Variants in MAD1L1 observed in about 807,000 individuals in gnomAD.
MAD1L1 encodes the protein mitotic spindle assembly checkpoint protein MAD1.
In MAD1L1, 95 loss-of-function variants were observed where a neutral mutation model predicts 96.9. That is an observed-to-expected ratio of 0.98 (90% CI 0.83 to 1.16). MAD1L1 has a LOEUF of 1.16. MAD1L1 is among the 50% of genes most tolerant of loss of function. The pLI is 0.00. For missense variants in MAD1L1, 1,007 were observed against 954.4 expected, an observed-to-expected ratio of 1.06 and a Z score of -0.73; for synonymous variants, 473 against 396.6, an observed-to-expected ratio of 1.19 and a Z score of -2.29.
chr7:1,914,386 C>T (rs1165534877), intron 17 of MAD1L1, among the ~76,000 whole-genome samples: 1 of 152,192 alleles, frequency 6.6e-6, no homozygotes, highest in African/African-American at 2.4e-5. Flanking sequence ...GGTCTTCACA[C>T]GTCAGAAAGG....
At chr7:2,187,743 C>G (rs1167050000) in intron 10 of MAD1L1, among the ~76,000 whole-genome samples, 2 of 152,212 alleles carry the variant, frequency 1.3e-5, no homozygotes, top group Non-Finnish European at 2.9e-5. Flanking sequence ...GATGGTTGGT[C>G]TTCCATGTTT....
chr7:1,823,986 T>TG (rs1196912618), intron 18 of MAD1L1, among the ~76,000 whole-genome samples: 1 of 152,110 alleles, frequency 6.6e-6, no homozygotes, highest in East Asian at 1.9e-4. Flanking sequence ...GAAGTTATGC[T>TG]GGGAGCCCAT....
intron 15 of MAD1L1, among the ~76,000 whole-genome samples, chr7:1,979,454 G>A (rs1217107734): frequency 6.6e-6 from 1 of 152,232 alleles, no homozygotes; most frequent in African/African-American, 2.4e-5. Context: ...ATTCTGGCAG[G>A]ATACTCGGGT....
At chr7:1,820,901 G>A (rs1418947556) in intron 18 of MAD1L1, among the ~76,000 whole-genome samples, 1 of 152,000 alleles carries the variant, frequency 6.6e-6, no homozygotes, top group African/African-American at 2.4e-5. Context: ...CTAACACAGT[G>A]AAACCCCATC....
chr7:1,966,314 G>A (rs1015599316), intron 15 of MAD1L1, among the ~76,000 whole-genome samples: 5 of 152,098 alleles, frequency 3.3e-5, no homozygotes, highest in South Asian at 2.1e-4. Flanking sequence ...CAAATTACTC[G>A]GCACATGAAG....
chr7:1,913,081 G>C (rs2128451441), intron 17 of MAD1L1, among the ~76,000 whole-genome samples: 1 of 152,350 alleles, frequency 6.6e-6, no homozygotes, highest in Admixed American at 6.5e-5. Flanking sequence ...TCTGCTTTCG[G>C]CAAGACGAGA....
At chr7:1,864,642 C>G (rs2128650036) in intron 18 of MAD1L1, among the ~76,000 whole-genome samples, 1 of 152,372 alleles carries the variant, frequency 6.6e-6, no homozygotes, top group South Asian at 2.1e-4. Flanking sequence ...GCCTGGACGT[C>G]TGTCTCCCGA....
chr7:1,878,535 C>T (rs1231033315), intron 18 of MAD1L1, among the ~76,000 whole-genome samples: 1 of 150,470 alleles, frequency 6.6e-6, no homozygotes, highest in African/African-American at 2.5e-5. Context: ...ACAATATCAA[C>T]AGAATAATTA....
At chr7:1,842,082 G>A (rs1783296639) in intron 18 of MAD1L1, among the ~76,000 whole-genome samples, 1 of 152,184 alleles carries the variant, frequency 6.6e-6, no homozygotes, top group South Asian at 2.1e-4. Context: ...ATTTGATCAT[G>A]AAAGGGAATT....
chr7:2,191,210 G>A (rs1018611360), intron 10 of MAD1L1, among the ~76,000 whole-genome samples: 5 of 152,072 alleles, frequency 3.3e-5, no homozygotes, highest in Non-Finnish European at 5.9e-5. Context: ...AATTCCAGAC[G>A]AAACAAAACC....
intron 11 of MAD1L1, among the ~76,000 whole-genome samples, chr7:2,134,468 C>T (rs771084035): frequency 3.9e-5 from 6 of 152,220 alleles, no homozygotes; most frequent in Non-Finnish European, 5.9e-5. Flanking sequence ...ATTCCCTCTT[C>T]TTGTCTTACT....
At chr7:1,936,594 G>C in intron 17 of MAD1L1, 93 bp downstream of exon 17, 3 of 1,300,144 alleles carry the variant, frequency 2.3e-6, no homozygotes, top group Middle Eastern at 2.6e-4. Context: ...GGGGATGACA[G>C]GCAGGGGCGC....
intron 12 of MAD1L1, among the ~76,000 whole-genome samples, chr7:2,033,670 C>T (rs1009407610): frequency 1.3e-5 from 2 of 152,204 alleles, no homozygotes; most frequent in African/African-American, 4.8e-5. Flanking sequence ...AAGTAAAATG[C>T]TAACACTCAG....
At chr7:1,821,558 G>A (rs1288661866) in intron 18 of MAD1L1, among the ~76,000 whole-genome samples, 2 of 152,094 alleles carry the variant, frequency 1.3e-5, no homozygotes, top group African/African-American at 4.8e-5. Context: ...ATGGAATCCA[G>A]CAACACACGA....
At chr7:2,153,858 A>C (rs1316379502) in intron 10 of MAD1L1, among the ~76,000 whole-genome samples, 1 of 152,240 alleles carries the variant, frequency 6.6e-6, no homozygotes, top group Non-Finnish European at 1.5e-5. Flanking sequence ...ATCCGGCCGT[A>C]AGAAAGAACA....
intron 11 of MAD1L1, among the ~76,000 whole-genome samples, chr7:2,144,663 A>G (rs963549679): frequency 3.3e-5 from 5 of 152,156 alleles, no homozygotes; most frequent in Admixed American, 1.3e-4. Context: ...CCTAAGGGCC[A>G]AGGAGACTAA....
At chr7:2,221,170 G>A (rs779503504) in intron 5 of MAD1L1, 2 of 691,906 alleles carry the variant, frequency 2.9e-6, no homozygotes, top group Admixed American at 2.7e-5. Flanking sequence ...ACCGGGCACC[G>A]CCCTGCGGCT....
chr7:2,216,051 G>A (rs771697197), intron 8 of MAD1L1, 52 bp from the exon 9 acceptor site: 1 of 1,611,114 alleles, frequency 6.2e-7, no homozygotes, highest in Non-Finnish European at 8.5e-7. Flanking sequence ...TAGGGATAAG[G>A]CCAAGAGCCC....
At chr7:2,198,246 G>A (rs1792096094) in intron 10 of MAD1L1, among the ~76,000 whole-genome samples, 1 of 152,098 alleles carries the variant, frequency 6.6e-6, no homozygotes, top group African/African-American at 2.4e-5. Flanking sequence ...GTGAGCCAAG[G>A]CACCCAGCCC....
Sources: gnomAD v4.1 joint callset for allele counts (sites outside exome capture counted in the v4.1 genomes callset) on GRCh38, gnomAD v4.1.1 for gene constraint, MANE v1.5 for transcripts, NCBI Gene and HGNC (gene_info 2026-07-23, HGNC 2026-07-21) for gene names.